Variants in LGALS8 observed in about 807,000 individuals in gnomAD.
The protein encoded by LGALS8 is galectin 8, also known as galectin-8.
Under a neutral mutation model 35.9 loss-of-function variants are expected in LGALS8, and 30 were observed. That is an observed-to-expected ratio of 0.83 (90% CI 0.62 to 1.13). LGALS8 has a LOEUF of 1.13. Ranked by LOEUF, LGALS8 falls within the 50% of genes most tolerant of loss-of-function variation. The pLI, the probability that LGALS8 is intolerant of heterozygous loss-of-function variation, is 0.00. For synonymous variants in LGALS8, 138 were observed against 136.1 expected, an observed-to-expected ratio of 1.01 and a Z score of -0.10; for missense variants, 366 against 388.7, an observed-to-expected ratio of 0.94 and a Z score of 0.49.
At chr1:236,530,748 A>C (rs1157796705) in intron 2 of LGALS8, among the ~76,000 whole-genome samples, 2 of 152,236 alleles carry the variant, frequency 1.3e-5, no homozygotes, top group Non-Finnish European at 2.9e-5. Context: ...TGTCTTCAAA[A>C]TTTTAAACTA....
intron 4 of LGALS8, 174 bp from the exon 5 acceptor site, chr1:236,540,390 A>G (rs917200702): frequency 1.4e-5 from 8 of 553,094 alleles, no homozygotes; most frequent in Non-Finnish European, 2.3e-5. Context: ...AGAAGTTTGG[A>G]AGCACTGCTA....
At chr1:236,529,417 A>T (rs529539441) in intron 2 of LGALS8, among the ~76,000 whole-genome samples, 10 of 152,062 alleles carry the variant, frequency 6.6e-5, no homozygotes, top group African/African-American at 1.9e-4. Context: ...CCCCGTCTCT[A>T]CTAAAAATAC....
upstream of LGALS8, among the ~76,000 whole-genome samples, chr1:236,519,919 T>C (rs1221266720): frequency 6.6e-6 from 1 of 151,946 alleles, no homozygotes; most frequent in East Asian, 1.9e-4. Context: ...TAGATTGTTT[T>C]ACACATAACA....
At chr1:236,536,703 C>T (rs1019867626) in intron 2 of LGALS8, 1 of 152,706 alleles carries the variant, frequency 6.5e-6, no homozygotes, top group Non-Finnish European at 1.5e-5. Context: ...GGGGGCGTGG[C>T]TTAACGTGGA....
At chr1:236,541,830 C>A in intron 6 of LGALS8, 120 bp downstream of exon 6, 2 of 574,180 alleles carry the variant, frequency 3.5e-6, no homozygotes, top group Non-Finnish European at 6.1e-6. Flanking sequence ...CAAGTAATCA[C>A]TTGAAAATTG....
Position 236,525,982 on chromosome 1 carries a change from T to C in LGALS8, c.-89T>C. ...ACTTTACACAGGGCCAGTGCCTCAG[T>C]TTCAATCCAGGTAACCTTTAAATGA... On this transcript the variant is annotated 5_prime_UTR_variant, in exon 2 of 10. Transcript: ENST00000366584. 9.8e-7 allele frequency: 1 copy of C among 1,016,690 alleles called. No individual in the cohort carries two copies. Among genetic ancestry groups the C allele is most frequent in the South Asian group, 1.4e-5 (1 of 71,454 alleles). 63.0% of individuals were successfully genotyped at this position (1,016,690 alleles called of 1,614,324 possible). A position where few individuals can be genotyped will look rare whatever the true frequency, so the allele number is the denominator to read the frequency against.
chr1:236,528,257 C>T (rs1014134069), intron 2 of LGALS8, among the ~76,000 whole-genome samples: 2 of 151,694 alleles, frequency 1.3e-5, no homozygotes, highest in African/African-American at 4.8e-5. Flanking sequence ...TGGCAGCCTC[C>T]TGTAATCCCA....
chr1:236,546,732 C>T (rs575183444), intron 9 of LGALS8, among the ~76,000 whole-genome samples: 1 of 152,368 alleles, frequency 6.6e-6, no homozygotes, highest in South Asian at 2.1e-4. Context: ...AACTAATTGA[C>T]TCCCTCTGCT....
intron 2 of LGALS8, chr1:236,536,405 C>T (rs1661506347): frequency 6.6e-6 from 1 of 152,312 alleles, no homozygotes; most frequent in Non-Finnish European, 1.5e-5. Context: ...GTAGTCATCT[C>T]TGGGGAAGGG....
intron 5 of LGALS8, 64 bp from the exon 6 acceptor site, chr1:236,541,584 GTCAATA>G: frequency 4.5e-6 from 3 of 673,634 alleles, no homozygotes; most frequent in Non-Finnish European, 7.0e-6. Context: ...TTTTTTATAT[GTCAATA>G]TAAAATATTT....
chr1:236,520,247 G>A (rs146573361), upstream of LGALS8, among the ~76,000 whole-genome samples: 358 of 151,842 alleles, frequency 2.4e-3, 1 homozygote, highest in African/African-American at 8.2e-3. Context: ...GTGAGCCAAC[G>A]TGCCTGGTCA....
In LGALS8 at chr1:236,552,426, G is replaced by C; in HGVS notation, c.*4265G>C. On this transcript the variant is annotated 3_prime_UTR_variant, in exon 10 of 10. Coordinates refer to ENST00000366584, the MANE Select transcript of LGALS8 (RefSeq NM_201544.4). ...TAAAATGCCGCATGCAAACTCAAGT[G>C]TGTCACCAGATTTTACTTCATTGGC... is the stretch of plus-strand genomic sequence containing the variant. 5.9e-6 allele frequency: 1 copy of C among 170,058 alleles called. No individual in the cohort carries two copies. Among genetic ancestry groups the C allele is most frequent in the Non-Finnish European group, 1.3e-5 (1 of 79,884 alleles). The allele number at this position is 170,058 out of a possible 1,614,324, so 10.5% of individuals were successfully genotyped here.
At chr1:236,531,308 CTTAT>C (rs1413582720) in intron 2 of LGALS8, among the ~76,000 whole-genome samples, 3 of 151,900 alleles carry the variant, frequency 2.0e-5, no homozygotes, top group African/African-American at 4.8e-5. Flanking sequence ...ATTTTCTTTA[CTTAT>C]TTATTTTATT....
intron 2 of LGALS8, among the ~76,000 whole-genome samples, chr1:236,530,916 T>A (rs1661105989): frequency 6.6e-6 from 1 of 152,194 alleles, no homozygotes; most frequent in Non-Finnish European, 1.5e-5. Flanking sequence ...GGGCAATCAC[T>A]TTTTACTGGT....
At chr1:236,521,538 T>C (rs1379553079), upstream of LGALS8, among the ~76,000 whole-genome samples, 2 of 152,020 alleles carry the variant, frequency 1.3e-5, no homozygotes, top group Non-Finnish European at 2.9e-5. Context: ...CAAAAATTAG[T>C]AGACGGTTGG....
chr1:236,534,117 A>C (rs1661318437), intron 2 of LGALS8, among the ~76,000 whole-genome samples: 1 of 152,112 alleles, frequency 6.6e-6, no homozygotes, highest in South Asian at 2.1e-4. Flanking sequence ...TGGAAGTTCT[A>C]ATGGGCAGTT....
At chr1:236,538,621 C>T (rs879385183) in intron 3 of LGALS8, among the ~76,000 whole-genome samples, 2 of 152,244 alleles carry the variant, frequency 1.3e-5, no homozygotes, top group African/African-American at 2.4e-5. Flanking sequence ...GCTGCACAGG[C>T]AGGCCTAGCT....
At chr1:236,527,946 G>T (rs1185926219) in intron 2 of LGALS8, among the ~76,000 whole-genome samples, 2 of 152,062 alleles carry the variant, frequency 1.3e-5, no homozygotes, top group African/African-American at 2.4e-5. Context: ...GTGTTGGCCA[G>T]CCTAGTCTCA....
chr1:236,532,622 A>G (rs1015730745), intron 2 of LGALS8, among the ~76,000 whole-genome samples: 2 of 152,096 alleles, frequency 1.3e-5, no homozygotes, highest in Admixed American at 6.5e-5. Context: ...TGGGTGGATC[A>G]CCTGAGGTCA....
Sources: allele counts gnomAD v4.1 joint callset (sites outside exome capture counted in the v4.1 genomes callset), GRCh38; gene constraint gnomAD v4.1.1; transcripts MANE v1.5; gene names NCBI Gene and HGNC (gene_info 2026-07-23, HGNC 2026-07-21).